Variants in TMEM38B observed in about 807,000 individuals in gnomAD.
The protein encoded by TMEM38B is trimeric intracellular cation channel type B.
A neutral mutation model predicts 28.7 loss-of-function variants in TMEM38B; 24 were observed. That is an observed-to-expected ratio of 0.84 (90% CI 0.61 to 1.18). The LOEUF (loss-of-function observed/expected upper bound fraction) is 1.18, where lower values mean the gene tolerates loss of function less well. Among genes scored for constraint, TMEM38B ranks in the 50% most tolerant of loss-of-function variants. The pLI is 0.00. For missense variants in TMEM38B, 380 were observed against 350.9 expected (o/e 1.08, Z -0.66); for synonymous variants, 131 against 127.7 (o/e 1.03, Z -0.17).
At chr9:105,750,414 A>G (rs1225044934) in intron 5 of TMEM38B, among the ~76,000 whole-genome samples, 1 of 152,142 alleles carries the variant, frequency 6.6e-6, no homozygotes. Flanking sequence ...ACCTGAGGTC[A>G]GGAGTTTGAG....
intron 4 of TMEM38B, among the ~76,000 whole-genome samples, chr9:105,747,488 T>C (rs1837457926): frequency 6.6e-6 from 1 of 152,188 alleles, no homozygotes; most frequent in South Asian, 2.1e-4. Flanking sequence ...TTAGTCTTGC[T>C]AGCGGTCTAT....
chr9:105,748,683 C>T (rs1216599348), intron 5 of TMEM38B, among the ~76,000 whole-genome samples: 1 of 152,138 alleles, frequency 6.6e-6, no homozygotes, highest in Non-Finnish European at 1.5e-5. Flanking sequence ...AGTTTTGCTG[C>T]CTAGTCCCTG....
chr9:105,752,268 A>G (rs1837681711), intron 5 of TMEM38B, among the ~76,000 whole-genome samples: 2 of 152,110 alleles, frequency 1.3e-5, no homozygotes, highest in South Asian at 4.2e-4. Flanking sequence ...GGAATGCCCA[A>G]ATGGTTCAGA....
chr9:105,736,502 G>A (rs992364084), intron 4 of TMEM38B, among the ~76,000 whole-genome samples: 4 of 151,736 alleles, frequency 2.6e-5, no homozygotes, highest in African/African-American at 9.7e-5. Flanking sequence ...ATAACTAATC[G>A]TTTTCCTGGT....
chr9:105,773,535 C>T (rs1012269021), intron 5 of TMEM38B, among the ~76,000 whole-genome samples: 4 of 152,134 alleles, frequency 2.6e-5, no homozygotes, highest in African/African-American at 9.7e-5. Flanking sequence ...ATGTAAAGCA[C>T]TTATCTTCGT....
intron 2 of TMEM38B, among the ~76,000 whole-genome samples, chr9:105,720,325 T>A (rs1836272751): frequency 6.8e-6 from 1 of 147,510 alleles, no homozygotes; most frequent in South Asian, 2.1e-4. Flanking sequence ...TAGTTCATTA[T>A]GAGCATTATA....
At chr9:105,747,186 G>T (rs1304066118) in intron 4 of TMEM38B, among the ~76,000 whole-genome samples, 1 of 152,190 alleles carries the variant, frequency 6.6e-6, no homozygotes, top group East Asian at 1.9e-4. Context: ...GTAGAATTTG[G>T]CTGTGAATCC....
chr9:105,764,351 A>G (rs892005918), intron 5 of TMEM38B, among the ~76,000 whole-genome samples: 1 of 152,148 alleles, frequency 6.6e-6, no homozygotes, highest in Non-Finnish European at 1.5e-5. Flanking sequence ...TCAGCCCGAA[A>G]TCTCCTTAAG....
chr9:105,723,569 T>G (rs1406224173), intron 4 of TMEM38B, among the ~76,000 whole-genome samples: 1 of 152,012 alleles, frequency 6.6e-6, no homozygotes, highest in Non-Finnish European at 1.5e-5. Context: ...TTTTAAAAAT[T>G]TTTGTAGAGA....
At chr9:105,704,917 C>G (rs1377683510) in intron 1 of TMEM38B, among the ~76,000 whole-genome samples, 1 of 149,970 alleles carries the variant, frequency 6.7e-6, no homozygotes, top group Non-Finnish European at 1.5e-5. Context: ...GAGCAAGACT[C>G]TATCTCAAAG....
chr9:105,762,721 T>TGG (rs1838109605), intron 5 of TMEM38B, among the ~76,000 whole-genome samples: 3 of 146,172 alleles, frequency 2.1e-5, no homozygotes, highest in African/African-American at 7.8e-5. Context: ...TAAACATACA[T>TGG]GTGCATGTGT....
intron 5 of TMEM38B, among the ~76,000 whole-genome samples, chr9:105,763,874 T>G (rs895865874): frequency 3.3e-5 from 5 of 150,854 alleles, no homozygotes; most frequent in African/African-American, 1.2e-4. Flanking sequence ...ATCAAAAAGC[T>G]TATCCACCAT....
chr9:105,765,587 G>A (rs1025220856), intron 5 of TMEM38B, among the ~76,000 whole-genome samples: 2 of 152,122 alleles, frequency 1.3e-5, no homozygotes, highest in Admixed American at 6.5e-5. Flanking sequence ...TTCATATGGA[G>A]TCATATAGTA....
intron 1 of TMEM38B, among the ~76,000 whole-genome samples, chr9:105,697,573 A>T (rs766464399): frequency 5.3e-5 from 8 of 151,806 alleles, no homozygotes; most frequent in Non-Finnish European, 1.0e-4. Context: ...TAAATTGCTT[A>T]ATTTTTTTTT....
At chr9:105,748,997 A>C (rs1218758669) in intron 5 of TMEM38B, 2 of 1,153,806 alleles carry the variant, frequency 1.7e-6, no homozygotes, top group Admixed American at 3.2e-5. Flanking sequence ...GGATTTTTAA[A>C]AGGAAAACAG....
intron 5 of TMEM38B, among the ~76,000 whole-genome samples, chr9:105,769,082 C>T (rs570116330): frequency 6.6e-6 from 1 of 152,246 alleles, no homozygotes; most frequent in South Asian, 2.1e-4. Flanking sequence ...CAACATATAT[C>T]AGAGGGCTGG....
In TMEM38B at chr9:105,749,785, A is replaced by G. The variant is rs1054656464; in HGVS notation, c.660+1595A>G. ...CATTCATCAGTTGATGGACATTTTG[A>G]TTGTGTCACTTTTTGGCTAATATGG... is the stretch of plus-strand genomic sequence containing the variant. On this transcript the variant is annotated intron_variant, in intron 5 of 5. Transcript: ENST00000374692. 1.1e-4 allele frequency among the ~76,000 whole-genome samples: 17 copies of G among 152,236 alleles called. 1 individual carries two copies. The highest frequency in any genetic ancestry group is 3.4e-3 in the Middle Eastern group (1 of 292).
At chr9:105,733,290 C>T (rs1269069368) in intron 4 of TMEM38B, among the ~76,000 whole-genome samples, 1 of 152,124 alleles carries the variant, frequency 6.6e-6, no homozygotes, top group East Asian at 1.9e-4. Flanking sequence ...TATAGCAACA[C>T]AAACAGCCAT....
intron 5 of TMEM38B, among the ~76,000 whole-genome samples, chr9:105,772,682 G>T (rs927950323): frequency 1.3e-5 from 2 of 151,876 alleles, no homozygotes; most frequent in Non-Finnish European, 2.9e-5. Flanking sequence ...TTTAAAAATT[G>T]AGTTCAAATT....
Sources: gnomAD v4.1 joint callset for allele counts (sites outside exome capture counted in the v4.1 genomes callset) on GRCh38, gnomAD v4.1.1 for gene constraint, MANE v1.5 for transcripts, NCBI Gene and HGNC (gene_info 2026-07-23, HGNC 2026-07-21) for gene names.